The following PRELID2 variants were observed in gnomAD, a reference collection of about 807,000 sequenced individuals.
The protein encoded by PRELID2 is PRELI domain containing 2, also known as PRELI domain-containing protein 2.
A neutral mutation model predicts 28.4 loss-of-function variants in PRELID2; 25 were observed. That is an observed-to-expected ratio of 0.88 (90% CI 0.64 to 1.23). The LOEUF is 1.23. Among genes scored for constraint, PRELID2 ranks in the 50% most tolerant of loss-of-function variants. PRELID2 has a pLI of 0.00. For missense variants in PRELID2, 201 were observed against 214.4 expected (o/e 0.94, Z 0.39); for synonymous variants, 76 against 71.6 (o/e 1.06, Z -0.31).
intron 4 of PRELID2, among the ~76,000 whole-genome samples, chr5:145,811,909 G>A (rs1753970634): frequency 6.6e-6 from 1 of 152,090 alleles, no homozygotes; most frequent in South Asian, 2.1e-4. Context: ...AAGAAAACAT[G>A]AAGAGGAAAA....
chr5:145,428,150 GGTTTCACCGT>G, the PRELID2 span, among the ~76,000 whole-genome samples: 1 of 151,996 alleles, frequency 6.6e-6, no homozygotes, highest in Non-Finnish European at 1.5e-5. Context: ...CTAGAGATGG[GGTTTCACCGT>G]GTTGGTCAAA....
intron 5 of PRELID2, among the ~76,000 whole-genome samples, chr5:145,787,440 C>T (rs1381746949): frequency 2.0e-5 from 3 of 152,130 alleles, no homozygotes; most frequent in East Asian, 3.9e-4. Context: ...TCACTTCACA[C>T]GGAAGATGTC....
chr5:145,439,270 C>G, the PRELID2 span, among the ~76,000 whole-genome samples: 2 of 152,068 alleles, frequency 1.3e-5, no homozygotes, highest in Non-Finnish European at 2.9e-5. Flanking sequence ...ATTCTGATTT[C>G]TGGCCTGTCT....
At chr5:145,504,903 GAAC>G (rs1752392382) in intron 1 of PRELID2, among the ~76,000 whole-genome samples, 1 of 152,090 alleles carries the variant, frequency 6.6e-6, no homozygotes. Flanking sequence ...CCAAATGGTT[GAAC>G]ACCAATATAT....
At chr5:145,563,501 C>G (rs370881762) in intron 1 of PRELID2, among the ~76,000 whole-genome samples, 7 of 152,170 alleles carry the variant, frequency 4.6e-5, no homozygotes, top group African/African-American at 1.7e-4. Context: ...CCTGCTCAAC[C>G]TTAAACTTTC....
the PRELID2 span, among the ~76,000 whole-genome samples, chr5:145,446,478 A>G: frequency 5.9e-5 from 9 of 152,114 alleles, no homozygotes; most frequent in Non-Finnish European, 8.8e-5. Flanking sequence ...GGAAAACAGT[A>G]TGGGGAGTAG....
At chr5:145,356,914 C>G in the PRELID2 span, among the ~76,000 whole-genome samples, 1 of 152,082 alleles carries the variant, frequency 6.6e-6, no homozygotes, top group Non-Finnish European at 1.5e-5. Flanking sequence ...ACTTAAGGAC[C>G]TTTTGTGAGG....
chr5:145,297,911 A>C, the PRELID2 span, among the ~76,000 whole-genome samples: 70 of 152,264 alleles, frequency 4.6e-4, no homozygotes, highest in Non-Finnish European at 8.7e-4. Flanking sequence ...CCAACTTACA[A>C]GGGATGTGAA....
chr5:145,518,177 AATG>A (rs941199683), intron 1 of PRELID2, among the ~76,000 whole-genome samples: 5 of 137,764 alleles, frequency 3.6e-5, no homozygotes, highest in African/African-American at 1.4e-4. Context: ...TAATAATAAT[AATG>A]ATGTCATGAG....
At chr5:145,594,862 C>G (rs1176456196) in intron 1 of PRELID2, among the ~76,000 whole-genome samples, 2 of 152,076 alleles carry the variant, frequency 1.3e-5, no homozygotes, top group Non-Finnish European at 2.9e-5. Context: ...CACGGTGGCT[C>G]ACGCCTATAA....
the PRELID2 span, among the ~76,000 whole-genome samples, chr5:145,318,288 T>A: frequency 6.6e-6 from 1 of 151,990 alleles, no homozygotes; most frequent in African/African-American, 2.4e-5. Flanking sequence ...AAGCCATTGT[T>A]GTCTATGTCA....
chr5:145,826,301 A>G (rs1755190011), intron 1 of PRELID2: 1 of 400,810 alleles, frequency 2.5e-6, no homozygotes, highest in African/African-American at 2.2e-5. Flanking sequence ...CCCATTTCAT[A>G]CTAGAGACTC....
intron 1 of PRELID2, among the ~76,000 whole-genome samples, chr5:145,634,146 GA>G (rs995038569): frequency 9.2e-5 from 14 of 152,282 alleles, no homozygotes; most frequent in African/African-American, 3.4e-4. Flanking sequence ...TGTAAACAAA[GA>G]CACATTTGCT....
chr5:145,741,413 T>TTATA (rs1339008944), intron 1 of PRELID2, among the ~76,000 whole-genome samples: 1 of 100,542 alleles, frequency 9.9e-6, no homozygotes, highest in African/African-American at 4.5e-5. Flanking sequence ...CAAAATTTAT[T>TTATA]TATAATTTAT....
intron 1 of PRELID2, among the ~76,000 whole-genome samples, chr5:145,560,855 C>T (rs1015759038): frequency 6.6e-6 from 1 of 152,154 alleles, no homozygotes; most frequent in Non-Finnish European, 1.5e-5. Context: ...GTTTACAATC[C>T]ATCTGGGAGG....
chr5:145,530,934 A>C (rs990473628), intron 1 of PRELID2, among the ~76,000 whole-genome samples: 3 of 152,134 alleles, frequency 2.0e-5, no homozygotes, highest in Non-Finnish European at 2.9e-5. Context: ...AAATATGTAG[A>C]AAGTCTTAGC....
chr5:145,773,999 T>C (rs1359605993), intron 5 of PRELID2, among the ~76,000 whole-genome samples: 2 of 152,222 alleles, frequency 1.3e-5, no homozygotes, highest in Non-Finnish European at 2.9e-5. Context: ...CTTCTTTACA[T>C]AAAAGGTCAG....
chr5:145,324,810 A>C, the PRELID2 span, among the ~76,000 whole-genome samples: 1 of 152,188 alleles, frequency 6.6e-6, no homozygotes, highest in Non-Finnish European at 1.5e-5. Flanking sequence ...TTATGCCTAG[A>C]GTGGTTAAAT....
chr5:145,310,765 T>G, the PRELID2 span, among the ~76,000 whole-genome samples: 108 of 152,320 alleles, frequency 7.1e-4, no homozygotes, highest in Middle Eastern at 0.01. Context: ...CGTAAACTCT[T>G]AAGCTCACTT....
Sources: allele counts gnomAD v4.1 joint callset (sites outside exome capture counted in the v4.1 genomes callset), GRCh38; gene constraint gnomAD v4.1.1; transcripts MANE v1.5; gene names NCBI Gene and HGNC (gene_info 2026-07-23, HGNC 2026-07-21).